Variants in TMEM165 observed in about 807,000 individuals in gnomAD.
The protein encoded by TMEM165 is putative divalent cation/proton antiporter TMEM165.
In TMEM165, 19 loss-of-function variants were observed where a neutral mutation model predicts 30.0. That is an observed-to-expected ratio of 0.63 (90% CI 0.44 to 0.93). The LOEUF is 0.93. TMEM165 is among the 40% of genes least tolerant of loss of function. The pLI is 0.00. For synonymous variants in TMEM165, 168 were observed against 162.9 expected, an observed-to-expected ratio of 1.03 and a Z score of -0.24; for missense variants, 340 against 417.0, an observed-to-expected ratio of 0.82 and a Z score of 1.61.
intron 3 of TMEM165, chr4:55,443,691 G>GTTGATGTAC (rs1414120232): frequency 6.2e-7 from 1 of 1,613,276 alleles, no homozygotes; most frequent in Non-Finnish European, 8.5e-7. Context: ...CATTACCTGA[G>GTTGATGTAC]TTGATGTACT....
intron 4 of TMEM165, 59 bp downstream of exon 4, chr4:55,418,044 C>A: frequency 6.8e-7 from 1 of 1,477,538 alleles, no homozygotes; most frequent in Non-Finnish European, 9.2e-7. Flanking sequence ...TTACTTTGTT[C>A]CAGAAAACAC....
At chr4:55,451,706 T>C (rs1373141038) in intron 3 of TMEM165, among the ~76,000 whole-genome samples, 1 of 152,210 alleles carries the variant, frequency 6.6e-6, no homozygotes, top group African/African-American at 2.4e-5. Flanking sequence ...TTACTTCAGT[T>C]TTCATAATGG....
downstream of TMEM165, chr4:55,428,973 CTTTTTTTTT>C (rs35261810): frequency 2.2e-4 from 28 of 125,730 alleles, no homozygotes; most frequent in Admixed American, 9.0e-4. Flanking sequence ...GCTGACACAT[CTTTTTTTTT>C]TTTTTTTTTT....
Position 55,443,256 on chromosome 4 carries a change from C to G in TMEM165, c.409-8983C>G, listed in dbSNP as rs538085175. ...TTTGGGAGGCTGAGGTGGGCGATCA[C>G]CTGAGGTCAGGAGTTTGAGATCAGC... On this transcript the variant is annotated intron_variant, in intron 3 of 3. Transcript: ENST00000608091. Among the ~76,000 whole-genome samples, 692 of 152,158 alleles carry G rather than the reference C, an allele frequency of 4.5e-3. 4 individuals carry two copies. The highest frequency in any genetic ancestry group is 6.2e-3 in the Non-Finnish European group (425 of 68,004).
chr4:55,450,784 T>G (rs1724371499), intron 3 of TMEM165, among the ~76,000 whole-genome samples: 1 of 151,226 alleles, frequency 6.6e-6, no homozygotes, highest in African/African-American at 2.4e-5. Flanking sequence ...AAAAAAAACA[T>G]TAACTCAAAA....
At chr4:55,413,798 A>C (rs1460951665) in intron 2 of TMEM165, among the ~76,000 whole-genome samples, 1 of 152,258 alleles carries the variant, frequency 6.6e-6, no homozygotes, top group Non-Finnish European at 1.5e-5. Flanking sequence ...GTAAATGTGT[A>C]TATATACACG....
chr4:55,437,337 CACAT>C (rs1473180775), intron 3 of TMEM165, among the ~76,000 whole-genome samples: 2 of 152,158 alleles, frequency 1.3e-5, no homozygotes, highest in East Asian at 3.9e-4. Context: ...GTCTCTAGTA[CACAT>C]ACAGACTAGC....
At chr4:55,451,961 T>C (rs565263423) in intron 3 of TMEM165, among the ~76,000 whole-genome samples, 9 of 152,310 alleles carry the variant, frequency 5.9e-5, no homozygotes, top group Non-Finnish European at 8.8e-5. Context: ...ATCTACCATA[T>C]TGTCCCCTGG....
chr4:55,440,372 A>C (rs1723264578), intron 3 of TMEM165, among the ~76,000 whole-genome samples: 1 of 152,212 alleles, frequency 6.6e-6, no homozygotes, highest in Non-Finnish European at 1.5e-5. Flanking sequence ...AACCCCAAAA[A>C]AATGATGCTT....
At chr4:55,396,719 A>C (rs1342671194) in intron 1 of TMEM165, among the ~76,000 whole-genome samples, 1 of 152,166 alleles carries the variant, frequency 6.6e-6, no homozygotes, top group African/African-American at 2.4e-5. Context: ...ATCCCTACCA[A>C]AAAGTTTTTA....
chr4:55,412,120 C>T (rs749641248), intron 2 of TMEM165: 22 of 433,040 alleles, frequency 5.1e-5, no homozygotes, highest in Non-Finnish European at 8.0e-5. Context: ...TAGGGCTGGG[C>T]ACAGTCACTC....
chr4:55,396,578 T>C (rs1720739473), intron 1 of TMEM165, among the ~76,000 whole-genome samples, 182 bp downstream of exon 1: 1 of 152,108 alleles, frequency 6.6e-6, no homozygotes, highest in Admixed American at 6.5e-5. Flanking sequence ...TCTTGCCCGC[T>C]CCTTTAGGGA....
At chr4:55,427,789 C>G (rs1292194809), downstream of TMEM165, 1 of 152,194 alleles carries the variant, frequency 6.6e-6, no homozygotes, top group African/African-American at 2.4e-5. Flanking sequence ...GCACCACAAT[C>G]TTGTAGCAGG....
intron 3 of TMEM165, chr4:55,442,451 T>C (rs750736133): frequency 1.9e-6 from 3 of 1,608,588 alleles, no homozygotes; most frequent in East Asian, 4.5e-5. Context: ...CTGTCCTGAG[T>C]GAATGTAGTT....
intron 3 of TMEM165, among the ~76,000 whole-genome samples, chr4:55,437,727 C>T (rs536329348): frequency 6.6e-6 from 1 of 152,298 alleles, no homozygotes; most frequent in African/African-American, 2.4e-5. Context: ...GTACGTGGTG[C>T]AGCAGTGACT....
In TMEM165 at chr4:55,411,791, G is replaced by T. The variant is rs773310050; in HGVS notation, c.385G>T (p.Val129Leu). The T allele has an allele frequency of 6.2e-7, 1 of 1,614,048 alleles. No homozygotes were observed. The highest frequency in any genetic ancestry group is 1.3e-5 in the African/African-American group (1 of 74,914). ...GGCAATGCGCTATAACCGCCTGACC[G>T]TGCTGGCTGGTGCAATGCTTGCCTT... ...IMAMRYNRLTVLAGAMLALGL... is the reference protein window; with the variant it reads ...IMAMRYNRLTLLAGAMLALGL... The change falls in exon 2 of 6, where the codon GTG (valine) becomes TTG (leucine). Residue 129 changes from valine to leucine, a missense_variant. Transcript: ENST00000381334.
At chr4:55,417,634 T>C (rs367893829) in intron 3 of TMEM165, 169 bp from the exon 4 acceptor site, 87 of 613,918 alleles carry the variant, frequency 1.4e-4, no homozygotes, top group African/African-American at 1.4e-3. Context: ...CTATAGCATT[T>C]GTTGCTGTGT....
intron 4 of TMEM165, among the ~76,000 whole-genome samples, chr4:55,421,122 G>A (rs1481164896): frequency 6.0e-5 from 8 of 132,266 alleles, no homozygotes; most frequent in South Asian, 2.7e-4. Context: ...AGCCGAGATC[G>A]CGCCACTGCA....
intron 2 of TMEM165, among the ~76,000 whole-genome samples, chr4:55,413,597 G>T (rs1166199016): frequency 2.6e-5 from 4 of 152,354 alleles, no homozygotes; most frequent in South Asian, 4.1e-4. Flanking sequence ...TTACAGGCGT[G>T]AGCTACCACG....
Sources: allele counts gnomAD v4.1 joint callset (sites outside exome capture counted in the v4.1 genomes callset), GRCh38; gene constraint gnomAD v4.1.1; transcripts MANE v1.5; gene names NCBI Gene and HGNC (gene_info 2026-07-23, HGNC 2026-07-21).